Variants in SNX29 observed in about 807,000 individuals in gnomAD.
The protein encoded by SNX29 is sorting nexin 29.
A neutral mutation model predicts 102.1 loss-of-function variants in SNX29; 78 were observed. That is an observed-to-expected ratio of 0.76 (90% CI 0.64 to 0.92). The LOEUF is 0.92. Among genes scored for constraint, SNX29 ranks in the 40% least tolerant of loss-of-function variants. SNX29 has a pLI of 0.00. For synonymous variants in SNX29, 580 were observed against 414.5 expected (o/e 1.40, Z -4.85); for missense variants, 1,280 against 1,061.7 (o/e 1.21, Z -2.86).
intron 18 of SNX29, among the ~76,000 whole-genome samples, chr16:12,475,585 AT>A (rs1389110418): frequency 2.0e-5 from 3 of 152,244 alleles, no homozygotes; most frequent in Non-Finnish European, 4.4e-5. Context: ...AGTGAACATC[AT>A]AGCTCAGCCT....
intron 13 of SNX29, among the ~76,000 whole-genome samples, chr16:12,172,291 G>GC (rs1416614141): frequency 2.6e-5 from 4 of 152,196 alleles, no homozygotes; most frequent in African/African-American, 9.6e-5. Flanking sequence ...GAGGAAAGGG[G>GC]CGAGGCTGGA....
At chr16:12,122,324 C>T (rs2054007716) in intron 11 of SNX29, among the ~76,000 whole-genome samples, 1 of 152,062 alleles carries the variant, frequency 6.6e-6, no homozygotes, top group South Asian at 2.1e-4. Flanking sequence ...TGGTTTGAGT[C>T]AGTAGGTACC....
intron 15 of SNX29, among the ~76,000 whole-genome samples, chr16:12,291,841 G>A (rs2079806960): frequency 6.6e-6 from 1 of 152,152 alleles, no homozygotes; most frequent in Non-Finnish European, 1.5e-5. Context: ...GAAAACCAAG[G>A]TTCACTTCAG....
At chr16:12,153,246 G>C (rs574139165) in intron 13 of SNX29, among the ~76,000 whole-genome samples, 1 of 152,058 alleles carries the variant, frequency 6.6e-6, no homozygotes, top group East Asian at 1.9e-4. Context: ...CTGGGCAACA[G>C]AGCAAGACCC....
chr16:12,367,794 C>T (rs1280723094), intron 16 of SNX29, among the ~76,000 whole-genome samples: 1 of 152,214 alleles, frequency 6.6e-6, no homozygotes, highest in Non-Finnish European at 1.5e-5. Flanking sequence ...CTTGGACATC[C>T]CTGTTTTAAT....
At chr16:12,091,532 ATCCCAGCACTTTGGGAGGCT>A (rs1419689565) in intron 11 of SNX29, among the ~76,000 whole-genome samples, 1 of 152,038 alleles carries the variant, frequency 6.6e-6, no homozygotes, top group Non-Finnish European at 1.5e-5. Context: ...TATGCCTGCA[ATCCCAGCACTTTGGGAGGCT>A]GAGGCAGGAG....
intron 14 of SNX29, among the ~76,000 whole-genome samples, chr16:12,206,818 T>G: frequency 6.6e-6 from 1 of 150,420 alleles, no homozygotes; most frequent in Non-Finnish European, 1.5e-5. Flanking sequence ...GAGGTGGTTT[T>G]TTTTTTTTTT....
chr16:12,088,856 C>T (rs1262144092), intron 11 of SNX29, among the ~76,000 whole-genome samples: 2 of 151,994 alleles, frequency 1.3e-5, no homozygotes, highest in African/African-American at 4.8e-5. Context: ...GAGGCTGAGG[C>T]GGGCGGATTA....
At chr16:12,531,591 A>G (rs1468216825) in intron 20 of SNX29, among the ~76,000 whole-genome samples, 1 of 152,164 alleles carries the variant, frequency 6.6e-6, no homozygotes, top group African/African-American at 2.4e-5. Context: ...TGGGATGAGG[A>G]CGGTGAGAGT....
chr16:12,541,120 G>A (rs1196899482), intron 20 of SNX29, among the ~76,000 whole-genome samples: 1 of 152,088 alleles, frequency 6.6e-6, no homozygotes, highest in Non-Finnish European at 1.5e-5. Context: ...GACTTGGAGG[G>A]GAGACACAGG....
At chr16:12,048,748 G>C (rs1170161465) in intron 7 of SNX29, 128 bp downstream of exon 7, 23 of 1,503,754 alleles carry the variant, frequency 1.5e-5, no homozygotes, top group Non-Finnish European at 2.0e-5. Flanking sequence ...TTTTCCATTT[G>C]TGTTTCTGTT....
At chr16:12,545,636 TTC>T (rs1268174364) in intron 20 of SNX29, 1 of 152,140 alleles carries the variant, frequency 6.6e-6, no homozygotes, top group Admixed American at 6.5e-5. Context: ...TTTTCTTCTG[TTC>T]TGAGTCTACA....
chr16:12,160,477 C>T (rs2055737201), intron 13 of SNX29, among the ~76,000 whole-genome samples: 1 of 152,186 alleles, frequency 6.6e-6, no homozygotes, highest in South Asian at 2.1e-4. Flanking sequence ...GTTATTATAT[C>T]ATTCCATTCC....
intron 15 of SNX29, among the ~76,000 whole-genome samples, chr16:12,341,679 A>C (rs574372292): frequency 2.6e-5 from 4 of 152,184 alleles, no homozygotes; most frequent in Non-Finnish European, 4.4e-5. Flanking sequence ...TGTTACAGGG[A>C]AGGGATGGTG....
chr16:12,301,471 C>T (rs905412289), intron 15 of SNX29, among the ~76,000 whole-genome samples: 1 of 152,230 alleles, frequency 6.6e-6, no homozygotes, highest in Non-Finnish European at 1.5e-5. Flanking sequence ...TCGTGTCCTC[C>T]CAGTCTCCAT....
At chr16:12,018,856 G>C (rs1032669860) in intron 3 of SNX29, among the ~76,000 whole-genome samples, 1 of 151,626 alleles carries the variant, frequency 6.6e-6, no homozygotes, top group African/African-American at 2.4e-5. Flanking sequence ...CGTAAGAGCT[G>C]GGATTACAGG....
At chr16:12,529,267 T>A (rs1016834428) in intron 20 of SNX29, among the ~76,000 whole-genome samples, 3 of 152,166 alleles carry the variant, frequency 2.0e-5, no homozygotes, top group Non-Finnish European at 4.4e-5. Context: ...AAGGAACAGA[T>A]GAGTGCCAGC....
At chr16:12,021,852 C>T (rs1473155445) in intron 3 of SNX29, among the ~76,000 whole-genome samples, 1 of 151,458 alleles carries the variant, frequency 6.6e-6, no homozygotes, top group Non-Finnish European at 1.5e-5. Context: ...GATCACGTCA[C>T]TGCACTCCAG....
intron 20 of SNX29, 80 bp from the exon 21 acceptor site, chr16:12,568,426 A>T: frequency 6.4e-7 from 1 of 1,571,870 alleles, no homozygotes; most frequent in Non-Finnish European, 8.6e-7. Flanking sequence ...TCCTGCCCTC[A>T]CACCTGGCTC....
Sources: allele counts gnomAD v4.1 joint callset (sites outside exome capture counted in the v4.1 genomes callset), GRCh38; gene constraint gnomAD v4.1.1; transcripts MANE v1.5; gene names NCBI Gene and HGNC (gene_info 2026-07-23, HGNC 2026-07-21).